The following TCEA3 variants were observed in gnomAD, a reference collection of about 807,000 sequenced individuals.
TCEA3 encodes the protein transcription elongation factor A3, also known as transcription elongation factor A protein 3.
A neutral mutation model predicts 44.0 loss-of-function variants in TCEA3; 36 were observed. The ratio of observed to expected loss-of-function variants is 0.82; its 90% CI spans 0.63 to 1.08. The LOEUF (loss-of-function observed/expected upper bound fraction) is 1.08. Ranked by LOEUF, TCEA3 falls within the 50% of genes least tolerant of loss-of-function variation. TCEA3 has a pLI of 0.00. For missense variants in TCEA3, 392 were observed against 441.2 expected, an observed-to-expected ratio of 0.89 and a Z score of 1.00; for synonymous variants, 162 against 159.7, an observed-to-expected ratio of 1.01 and a Z score of -0.11.
intron 4 of TCEA3, among the ~76,000 whole-genome samples, chr1:23,413,948 T>G (rs188698335): frequency 1.1e-3 from 162 of 148,926 alleles, no homozygotes; most frequent in Non-Finnish European, 2.0e-3. Context: ...TTTATACCTA[T>G]TTATAGGTAG....
At chr1:23,408,603 C>CA (rs1329548796) in intron 5 of TCEA3, 61 bp downstream of exon 5, 3 of 1,538,516 alleles carry the variant, frequency 1.9e-6, no homozygotes, top group Non-Finnish European at 8.8e-7. Flanking sequence ...TCCATAAAAA[C>CA]AGAGAAGGGG....
chr1:23,384,010 G>A (rs1375812973), intron 10 of TCEA3: 9 of 1,150,770 alleles, frequency 7.8e-6, no homozygotes, highest in South Asian at 6.7e-5. Context: ...CCAAAGAGGC[G>A]TGGTCCAAGT....
Position 23,393,987 on chromosome 1 carries a change from G to A in TCEA3, c.711C>T (p.Arg237=), listed in dbSNP as rs373953388. 124 of 1,613,922 alleles carry A rather than the reference G, an allele frequency of 7.7e-5. No individual in the cohort carries two copies. The highest frequency in any genetic ancestry group is 8.8e-5 in the South Asian group (8 of 91,096). The change falls in exon 8 of 11, where the codon CGC becomes CGT. Residue 237 remains arginine, a synonymous_variant. Transcript: ENST00000450454. ...TGAGGTTGCTTATGCGGCTGCGCAC[G>A]CGGTTCCGGTACTTCATGTCCGTGC... ...LKSTDMKYRN[R]VRSRISNLKD...
chr1:23,384,370 G>A lies in TCEA3; in HGVS notation c.1014C>T (p.Cys338=), dbSNP rs748615903. ...ADEPMTTFVL[C]NECGNRWKFC ...CCTTCCAGCGATTGCCACATTCATT[G>A]CATAAGACAAAGGTAGTCATGGGCT... The change falls in exon 10 of 11, where the codon TGC becomes TGT. Residue 338 remains cysteine, a synonymous_variant. Transcript: ENST00000450454. The A allele has an allele frequency of 9.3e-6, 15 of 1,613,782 alleles. No homozygotes were observed. The South Asian group carries it at 1.5e-4, about 17-fold the overall frequency.
intron 10 of TCEA3, among the ~76,000 whole-genome samples, chr1:23,381,698 G>C (rs140532923): frequency 3.3e-5 from 5 of 152,332 alleles, no homozygotes; most frequent in African/African-American, 4.8e-5. Flanking sequence ...TAAATGAATG[G>C]CAATTCGGTG....
chr1:23,389,607 G>A (rs1294337584), intron 8 of TCEA3, among the ~76,000 whole-genome samples: 4 of 152,036 alleles, frequency 2.6e-5, no homozygotes, highest in Non-Finnish European at 5.9e-5. Context: ...CCGAGATCAC[G>A]TCACTGCACT....
intron 7 of TCEA3, among the ~76,000 whole-genome samples, chr1:23,394,351 G>A (rs1234402142): frequency 6.6e-6 from 1 of 152,082 alleles, no homozygotes; most frequent in Non-Finnish European, 1.5e-5. Context: ...ACCTCTACAC[G>A]CCTGAGTTTC....
intron 4 of TCEA3, among the ~76,000 whole-genome samples, chr1:23,414,009 T>A (rs946834524): frequency 6.8e-6 from 1 of 147,438 alleles, no homozygotes; most frequent in Non-Finnish European, 1.5e-5. Flanking sequence ...TATATATATA[T>A]AAATTTTATA....
At chr1:23,418,602 G>A (rs375329265) in intron 2 of TCEA3, among the ~76,000 whole-genome samples, 8 of 152,190 alleles carry the variant, frequency 5.3e-5, no homozygotes, top group South Asian at 2.1e-4. Flanking sequence ...ATGAGCCACC[G>A]TGGCCAGCTC....
At chr1:23,404,351 T>A (rs1487814422) in intron 5 of TCEA3, among the ~76,000 whole-genome samples, 1 of 151,882 alleles carries the variant, frequency 6.6e-6, no homozygotes, top group African/African-American at 2.4e-5. Flanking sequence ...ATGACTCTCC[T>A]GACTCGCCTC....
intron 5 of TCEA3, chr1:23,403,829 A>G (rs1639464990): frequency 8.7e-6 from 4 of 458,794 alleles, no homozygotes; most frequent in South Asian, 6.2e-5. Context: ...CCTTCCTGGC[A>G]GGGCACACCC....
At chr1:23,399,828 A>T (rs1427481968) in intron 5 of TCEA3, among the ~76,000 whole-genome samples, 1 of 152,014 alleles carries the variant, frequency 6.6e-6, no homozygotes, top group Non-Finnish European at 1.5e-5. Flanking sequence ...GGCATGCACC[A>T]CCACGCCCAG....
At chr1:23,403,141 C>T (rs1639031379) in intron 5 of TCEA3, among the ~76,000 whole-genome samples, 1 of 152,280 alleles carries the variant, frequency 6.6e-6, no homozygotes, top group South Asian at 2.1e-4. Flanking sequence ...ACAGCTATGA[C>T]TCACCACAGG....
At chr1:23,394,607 G>T (rs878941638) in intron 7 of TCEA3, among the ~76,000 whole-genome samples, 1 of 152,212 alleles carries the variant, frequency 6.6e-6, no homozygotes, top group Non-Finnish European at 1.5e-5. Flanking sequence ...GTTTAATCTG[G>T]TGTTCCCAAT....
At chr1:23,398,879 C>T (rs1639298131) in intron 5 of TCEA3, among the ~76,000 whole-genome samples, 1 of 151,818 alleles carries the variant, frequency 6.6e-6, no homozygotes, top group Non-Finnish European at 1.5e-5. Flanking sequence ...GCAATCCTCC[C>T]ACCTTAGCCT....
At chr1:23,395,458 C>T (rs1289944471) in intron 7 of TCEA3, among the ~76,000 whole-genome samples, 1 of 152,198 alleles carries the variant, frequency 6.6e-6, no homozygotes, top group Non-Finnish European at 1.5e-5. Context: ...AATGTACCCT[C>T]CCCCTGACCT....
At chr1:23,424,502 G>C (rs1034655097) in intron 1 of TCEA3, 63 bp downstream of exon 1, 1 of 1,495,778 alleles carries the variant, frequency 6.7e-7, no homozygotes, top group Non-Finnish European at 9.2e-7. Flanking sequence ...CCCCACCCCG[G>C]AATCCGGGGC....
rs528188897 is a variant in TCEA3, at chr1:23,421,040, T to G, written c.70-1901A>C. 2.6e-5 allele frequency among the ~76,000 whole-genome samples: 4 copies of G among 152,258 alleles called. No homozygotes were observed. The East Asian group carries it at 7.7e-4, about 29-fold the overall frequency. ...TGTCCTAAGAGCTGCCCTCTGTCAG[T>G]CCTTAGCCTCCCTGAGAACTTGGGT... On this transcript the variant is annotated intron_variant, in intron 1 of 10. Coordinates refer to ENST00000450454, the MANE Select transcript of TCEA3 (RefSeq NM_003196.3).
chr1:23,423,864 G>A, intron 1 of TCEA3: 1 of 455,946 alleles, frequency 2.2e-6, no homozygotes, highest in South Asian at 1.5e-5. Flanking sequence ...CCAACCTCCC[G>A]CCGAGCCCGC....
Sources: allele counts gnomAD v4.1 joint callset (sites outside exome capture counted in the v4.1 genomes callset), GRCh38; gene constraint gnomAD v4.1.1; transcripts MANE v1.5; gene names NCBI Gene and HGNC (gene_info 2026-07-23, HGNC 2026-07-21).